VPS13B: variants seen among roughly 807,000 people sequenced by gnomAD.
VPS13B encodes vacuolar protein sorting 13 homolog B.
In VPS13B, 285 loss-of-function variants were observed where a neutral mutation model predicts 426.4. That is an observed-to-expected ratio of 0.67 (90% confidence interval 0.61 to 0.74). The LOEUF is 0.74. Ranked by LOEUF, VPS13B falls within the 30% of genes least tolerant of loss-of-function variation. The pLI, the probability that VPS13B is intolerant of heterozygous loss-of-function variation, is 0.00. For synonymous variants in VPS13B, 1,676 were observed against 1,676.4 expected, an observed-to-expected ratio of 1.00 and a Z score of 0.01; for missense variants, 4,537 against 4,782.6, an observed-to-expected ratio of 0.95 and a Z score of 1.51.
chr8:99,532,039 G>C (rs867002798), intron 30 of VPS13B, among the ~76,000 whole-genome samples: 6 of 151,814 alleles, frequency 4.0e-5, no homozygotes, highest in South Asian at 4.2e-4. Context: ...TAATTAAAAA[G>C]TTTTTTTTAA....
At chr8:99,795,939 G>C (rs762745981) in intron 43 of VPS13B, among the ~76,000 whole-genome samples, 1 of 152,118 alleles carries the variant, frequency 6.6e-6, no homozygotes, top group African/African-American at 2.4e-5. Context: ...CTATTCAGTG[G>C]GGGGAACATA....
intron 42 of VPS13B, among the ~76,000 whole-genome samples, chr8:99,783,814 A>G (rs1236049794): frequency 6.6e-6 from 1 of 152,200 alleles, no homozygotes; most frequent in Non-Finnish European, 1.5e-5. Flanking sequence ...ATTTACACAC[A>G]CACACACATA....
Position 99,588,740 on chromosome 8 carries a change from A to C in VPS13B, c.5220+11107A>C, listed in dbSNP as rs1402432519. Among the ~76,000 whole-genome samples the C allele has an allele frequency of 2.6e-5, 4 of 151,774 alleles. No individual in the cohort carries two copies. In the East Asian group the frequency reaches 7.7e-4, roughly 29 times the overall value. ...TGAGACGATGGGGTTTTCTAAATAT[A>C]CAGTCATGTCATCTGCAAACAGGGA... On this transcript the variant is annotated intron_variant, in intron 33 of 61. Transcript: ENST00000357162.
At chr8:99,523,610 A>G (rs1362794167) in intron 30 of VPS13B, among the ~76,000 whole-genome samples, 2 of 152,206 alleles carry the variant, frequency 1.3e-5, no homozygotes, top group African/African-American at 4.8e-5. Flanking sequence ...TCGGGATCTT[A>G]TCCAAGACTA....
chr8:99,761,447 C>G (rs977516052), intron 39 of VPS13B, among the ~76,000 whole-genome samples: 8 of 152,194 alleles, frequency 5.3e-5, no homozygotes, highest in Non-Finnish European at 7.3e-5. Context: ...TAATGGCTTC[C>G]CACAGCAGTT....
intron 3 of VPS13B, among the ~76,000 whole-genome samples, chr8:99,050,644 C>G (rs988540656): frequency 2.6e-5 from 4 of 152,134 alleles, no homozygotes; most frequent in South Asian, 4.1e-4. Flanking sequence ...GTTTACAGTC[C>G]CACCAACAGT....
In VPS13B at chr8:99,608,085, A is replaced by G. The variant is rs147371694; in HGVS notation, c.5220+30452A>G. 4.2e-3 allele frequency among the ~76,000 whole-genome samples: 645 copies of G among 152,082 alleles called. 1 individual carries two copies. Among genetic ancestry groups the G allele is most frequent in the Admixed American group, 7.8e-3 (119 of 15,258 alleles). On this transcript the variant is annotated intron_variant, in intron 33 of 61. Coordinates refer to ENST00000357162, the MANE Select transcript of VPS13B (RefSeq NM_152564.5). Reference sequence around the variant, plus strand: ...GAGTATTTTAATAACCTTAAAGATAATTGTGGATATTCTTCCTTGATAATG... The same window carrying G: ...GAGTATTTTAATAACCTTAAAGATAGTTGTGGATATTCTTCCTTGATAATG...
intron 19 of VPS13B, among the ~76,000 whole-genome samples, chr8:99,339,419 A>T (rs1442549275): frequency 6.6e-6 from 1 of 152,010 alleles, no homozygotes; most frequent in African/African-American, 2.4e-5. Flanking sequence ...AGTGCTACAC[A>T]CTTTTAAATG....
At chr8:99,198,245 G>T (rs1019218301) in intron 17 of VPS13B, among the ~76,000 whole-genome samples, 1 of 152,034 alleles carries the variant, frequency 6.6e-6, no homozygotes, top group African/African-American at 2.4e-5. Flanking sequence ...ATCACTGTGT[G>T]AAACTGTCTA....
chr8:99,547,142 G>A (rs1824026501), intron 30 of VPS13B, among the ~76,000 whole-genome samples: 1 of 151,980 alleles, frequency 6.6e-6, no homozygotes, highest in South Asian at 2.1e-4. Flanking sequence ...GATAAAAAAG[G>A]GAAAAGAGGG....
Position 99,835,715 on chromosome 8 carries a change from G to A in VPS13B, c.9919G>A (p.Asp3307Asn). 1 of 1,614,114 alleles carries A rather than the reference G, an allele frequency of 6.2e-7. No homozygotes were observed. Among genetic ancestry groups the A allele is most frequent in the Non-Finnish European group, 8.5e-7 (1 of 1,180,018 alleles). ...AACAACTGAGTGGAGTGATGCCATT[G>A]ACATCAACAGTCAGGGAACACAGGT... The part of the protein sequence containing the change: ...EVTTEWSDAI[D>N]INSQGTQVVF... Residue 3307 changes from aspartate (D) to asparagine (N), a missense_variant, in exon 54 of 62, where the codon GAC (aspartate) becomes AAC (asparagine). Asp to Asn is a conservative substitution (Grantham distance 23). Around this residue, in one of 2 missense-constraint regions of VPS13B, gnomAD observed 4,311 missense variants for 4,474.3 expected, o/e 0.96. Transcript: ENST00000357162.
intron 19 of VPS13B, chr8:99,347,550 G>A (rs1811607942): frequency 6.6e-6 from 1 of 152,200 alleles, no homozygotes; most frequent in Non-Finnish European, 1.5e-5. Context: ...GTATGAGATG[G>A]GCTGTATGCT....
chr8:99,523,654 A>C (rs987009478), intron 30 of VPS13B, among the ~76,000 whole-genome samples: 7 of 152,222 alleles, frequency 4.6e-5, no homozygotes, highest in Non-Finnish European at 1.0e-4. Flanking sequence ...TGCAAGAGCC[A>C]CAGTGTTACT....
At chr8:99,266,256 A>C (rs970218160) in intron 17 of VPS13B, among the ~76,000 whole-genome samples, 9 of 140,656 alleles carry the variant, frequency 6.4e-5, no homozygotes, top group Admixed American at 2.2e-4. Context: ...CTGTCTCTAC[A>C]AAAAAAAAAC....
At chr8:99,598,886 A>AT (rs1827148008) in intron 33 of VPS13B, among the ~76,000 whole-genome samples, 1 of 151,820 alleles carries the variant, frequency 6.6e-6, no homozygotes, top group Non-Finnish European at 1.5e-5. Context: ...AAAAATTATG[A>AT]TTTTTTAAAG....
chr8:99,560,397 T>A (rs79732160), intron 31 of VPS13B, among the ~76,000 whole-genome samples: 3,591 of 152,220 alleles, frequency 0.024, 359 homozygotes, highest in East Asian at 0.17. Context: ...CCAAGTTAAG[T>A]CTCATTTGTG....
intron 58 of VPS13B, among the ~76,000 whole-genome samples, chr8:99,863,707 T>C (rs978280478): frequency 6.6e-6 from 1 of 152,236 alleles, no homozygotes; most frequent in African/African-American, 2.4e-5. Context: ...TGGGTCCTGT[T>C]GACCGGGTAA....
At chr8:99,073,059 T>C (rs896366645) in intron 3 of VPS13B, among the ~76,000 whole-genome samples, 5 of 152,116 alleles carry the variant, frequency 3.3e-5, no homozygotes, top group African/African-American at 1.2e-4. Context: ...TTGCTCAGGG[T>C]ACCCAGGCAG....
chr8:99,527,886 C>T (rs931596622), intron 30 of VPS13B: 1 of 151,906 alleles, frequency 6.6e-6, no homozygotes, highest in Admixed American at 6.6e-5. Flanking sequence ...CAGATTTCTT[C>T]ATTTCTTCTC....
Sources: allele counts gnomAD v4.1 joint callset (sites outside exome capture counted in the v4.1 genomes callset), GRCh38; gene constraint gnomAD v4.1.1; regional missense constraint gnomAD v4.1.1; transcripts MANE v1.5; gene names NCBI Gene and HGNC (gene_info 2026-07-23, HGNC 2026-07-21).